DST: variants seen among roughly 807,000 people sequenced by gnomAD.
DST encodes bullous pemphigoid antigen.
Under a neutral mutation model 875.2 loss-of-function variants are expected in DST, and 253 were observed. That is an observed-to-expected ratio of 0.29 (90% CI 0.26 to 0.32). The LOEUF (loss-of-function observed/expected upper bound fraction) is 0.32. Among genes scored for constraint, DST ranks in the 10% least tolerant of loss-of-function variants. DST has a pLI of 1.00. For missense variants in DST, 8,287 were observed against 9,111.6 expected, an observed-to-expected ratio of 0.91 and a Z score of 3.68; for synonymous variants, 3,124 against 3,197.1, an observed-to-expected ratio of 0.98 and a Z score of 0.77.
intron 4 of DST, among the ~76,000 whole-genome samples, chr6:56,828,908 G>C (rs931186280): frequency 6.6e-6 from 1 of 152,044 alleles, no homozygotes; most frequent in Non-Finnish European, 1.5e-5. Flanking sequence ...AATAAGAGAA[G>C]GGAAAAACAA....
chr6:56,930,910 T>C (rs1341626559), intron 2 of DST, among the ~76,000 whole-genome samples: 1 of 152,120 alleles, frequency 6.6e-6, no homozygotes, highest in Non-Finnish European at 1.5e-5. Context: ...CATGAAAACA[T>C]GTTTAGGATG....
At chr6:56,631,051 G>C (rs2098775308) in intron 30 of DST, among the ~76,000 whole-genome samples, 160 bp downstream of exon 30, 2 of 151,940 alleles carry the variant, frequency 1.3e-5, no homozygotes, top group Non-Finnish European at 2.9e-5. Flanking sequence ...CCAAAGTGCT[G>C]GGATTACCGG....
intron 68 of DST, among the ~76,000 whole-genome samples, chr6:56,526,969 AACTGGC>A (rs2096812616): frequency 6.6e-6 from 1 of 152,184 alleles, no homozygotes; most frequent in East Asian, 1.9e-4. Context: ...AATGATGACA[AACTGGC>A]TTTATATCAT....
intron 3 of DST, among the ~76,000 whole-genome samples, chr6:56,870,351 G>C (rs925999473): frequency 3.4e-5 from 5 of 149,178 alleles, no homozygotes; most frequent in African/African-American, 1.2e-4. Flanking sequence ...CCAGGCACTC[G>C]AGCCAGCAAA....
chr6:56,915,864 G>A (rs930971738), intron 2 of DST, among the ~76,000 whole-genome samples: 1 of 152,164 alleles, frequency 6.6e-6, no homozygotes, highest in Non-Finnish European at 1.5e-5. Flanking sequence ...ATCTTACAAC[G>A]ATAGCCATAT....
At chr6:56,537,206 C>T (rs956428111) in intron 61 of DST, among the ~76,000 whole-genome samples, 3 of 152,200 alleles carry the variant, frequency 2.0e-5, no homozygotes, top group Non-Finnish European at 4.4e-5. Context: ...ACCAAGAAGA[C>T]AGTACATGTC....
intron 27 of DST, among the ~76,000 whole-genome samples, chr6:56,633,460 T>C (rs2098799927): frequency 6.6e-6 from 1 of 151,738 alleles, no homozygotes; most frequent in Non-Finnish European, 1.5e-5. Flanking sequence ...TCTCCTGACC[T>C]CGTGATCCGC....
Position 56,494,077 on chromosome 6 carries a change from A to G in DST, c.20327T>C (p.Ile6776Thr). The change falls in exon 83 of 104, where the codon ATT becomes ACT. Residue 6776 changes from isoleucine (I) to threonine (T), a missense_variant. Physicochemically the swap from Ile to Thr is moderately conservative, Grantham distance 89. This residue lies in a region of DST where 1,292 missense variants were observed against 1,552.7 expected (regional missense o/e 0.83). Coordinates refer to ENST00000680361, the MANE Select transcript of DST (RefSeq NM_001374736.1). ...TTTCAAGTTATTTATGTCTTGGTCAATATTTGTCTCTGCAGATTTTGGGCA... is the reference window on the plus strand; with the variant it reads ...TTTCAAGTTATTTATGTCTTGGTCAGTATTTGTCTCTGCAGATTTTGGGCA... Reference protein sequence around the residue: ...ARCPKSAETNIDQDINNLKEK... With the variant: ...ARCPKSAETNTDQDINNLKEK... The G allele has an allele frequency of 1.2e-6, 2 of 1,611,524 alleles. No individual in the cohort carries two copies. The highest frequency in any genetic ancestry group is 1.7e-6 in the Non-Finnish European group (2 of 1,178,522).
chr6:56,659,330 A>C (rs1392806744), intron 10 of DST, among the ~76,000 whole-genome samples: 2 of 152,230 alleles, frequency 1.3e-5, no homozygotes, highest in South Asian at 2.1e-4. Context: ...TCCAACAGGC[A>C]ATCTTGAAAA....
chr6:56,937,045 A>G lies in DST; in HGVS notation c.216+16740T>C, dbSNP rs146603535. Among the ~76,000 whole-genome samples the G allele has an allele frequency of 2.2e-3, 342 of 152,274 alleles. 2 individuals carry two copies. The highest frequency in any genetic ancestry group is 3.2e-3 in the Non-Finnish European group (216 of 68,014). Reference sequence around the variant, plus strand: ...CAAAAAACACAGAAAAACTAAAACTATATGTAAGAACCAAAACTAAATTGC... The same window carrying G: ...CAAAAAACACAGAAAAACTAAAACTGTATGTAAGAACCAAAACTAAATTGC... On this transcript the variant is annotated intron_variant, in intron 2 of 103. Transcript: ENST00000680361.
At chr6:56,743,993 C>CA (rs1478860236) in intron 4 of DST, among the ~76,000 whole-genome samples, 1 of 151,752 alleles carries the variant, frequency 6.6e-6, no homozygotes, top group Admixed American at 6.6e-5. Flanking sequence ...ACTAAAAATA[C>CA]AAAAAATTAG....
chr6:56,763,800 G>T (rs562236771), intron 4 of DST, among the ~76,000 whole-genome samples: 165 of 150,714 alleles, frequency 1.1e-3, no homozygotes, highest in African/African-American at 3.6e-3. Flanking sequence ...CTTGAGGAAT[G>T]CTGGTCCAAT....
chr6:56,528,740 C>A, intron 67 of DST, 101 bp downstream of exon 67: 1 of 843,358 alleles, frequency 1.2e-6, no homozygotes, highest in South Asian at 1.6e-5. Context: ...TGGAATGGAC[C>A]AAAAATTATA....
rs1365024585 is a variant in DST at position 56,642,041 on chromosome 6, T to C, written c.1933A>G (p.Ile645Val). The C allele has an allele frequency of 6.2e-7, 1 of 1,612,896 alleles. No homozygotes were observed. Among genetic ancestry groups the C allele is most frequent in the Admixed American group, 1.7e-5 (1 of 59,988 alleles). ...FQNEAEIAGY[I>V]LECENLLRQH... The stretch of plus-strand genomic sequence containing the variant: ...CGTAAAAGGTTCTCACATTCAAGTA[T>C]ATACCCAGCAATTTCTGCTTCATTC... Residue 645 changes from isoleucine (I) to valine (V), a missense_variant, in exon 17 of 104, where the codon ATA (isoleucine) becomes GTA (valine). Around this residue, in one of 10 missense-constraint regions of DST, gnomAD observed 1,160 missense variants for 1,424.3 expected, o/e 0.81. Transcript: ENST00000680361.
intron 88 of DST, chr6:56,483,892 AAC>A (rs772151155): frequency 7.2e-5 from 11 of 152,124 alleles, no homozygotes; most frequent in Non-Finnish European, 8.8e-5. Flanking sequence ...GAAAGACACA[AAC>A]ACACACGTAT....
intron 4 of DST, among the ~76,000 whole-genome samples, chr6:56,807,026 C>T (rs761941172): frequency 2.6e-4 from 40 of 151,478 alleles, no homozygotes; most frequent in Non-Finnish European, 4.9e-4. Flanking sequence ...TCAAATGACT[C>T]AATATTGATA....
At chr6:56,909,656 T>C (rs962321745) in intron 2 of DST, among the ~76,000 whole-genome samples, 3 of 152,234 alleles carry the variant, frequency 2.0e-5, no homozygotes, top group African/African-American at 7.2e-5. Context: ...TGAAGGCTCA[T>C]TAAAATACAG....
intron 57 of DST, 147 bp downstream of exon 57, chr6:56,561,161 G>T: frequency 1.2e-6 from 1 of 861,970 alleles, no homozygotes; most frequent in Non-Finnish European, 1.7e-6. Flanking sequence ...TTTATAGAAA[G>T]GCACATTAAA....
At chr6:56,614,929 ACATAATATTCAT>A in intron 36 of DST, 2 of 992,508 alleles carry the variant, frequency 2.0e-6, no homozygotes. Flanking sequence ...CTCCTCCAAC[ACATAATATTCAT>A]AATGTTAGCT....
Sources: gnomAD v4.1 joint callset for allele counts (sites outside exome capture counted in the v4.1 genomes callset) on GRCh38, gnomAD v4.1.1 for gene constraint, gnomAD v4.1.1 regional missense constraint, MANE v1.5 for transcripts, NCBI Gene and HGNC (gene_info 2026-07-23, HGNC 2026-07-21) for gene names.